MECOM: variants seen among roughly 807,000 people sequenced by gnomAD.
MECOM encodes MDS1 and EVI1 complex locus.
A neutral mutation model predicts 116.3 loss-of-function variants in MECOM; 13 were observed. The ratio of observed to expected loss-of-function variants is 0.11; its 90% CI spans 0.07 to 0.18. The LOEUF (loss-of-function observed/expected upper bound fraction) is 0.18, where lower values mean the gene tolerates loss of function less well. MECOM is among the 10% of genes least tolerant of loss of function. The pLI is 1.00. For missense variants in MECOM, 1,299 were observed against 1,509.0 expected (o/e 0.86, Z 2.31); for synonymous variants, 528 against 535.2 (o/e 0.99, Z 0.19).
chr3:169,479,870 A>G (rs747804834), intron 1 of MECOM, among the ~76,000 whole-genome samples: 17 of 152,204 alleles, frequency 1.1e-4, no homozygotes, highest in Non-Finnish European at 2.4e-4. Flanking sequence ...AGGCACCTTT[A>G]AAATCTCTTA....
intron 1 of MECOM, among the ~76,000 whole-genome samples, chr3:169,579,414 C>T (rs1036522090): frequency 2.0e-5 from 3 of 152,180 alleles, no homozygotes; most frequent in African/African-American, 7.2e-5. Flanking sequence ...CTCATCTCAT[C>T]TCTTTCCCAC....
chr3:169,458,809 G>C (rs1198407666), intron 1 of MECOM, among the ~76,000 whole-genome samples: 1 of 152,182 alleles, frequency 6.6e-6, no homozygotes, highest in African/African-American at 2.4e-5. Context: ...GAAATAAAGG[G>C]GCAGAGGCCA....
intron 2 of MECOM, among the ~76,000 whole-genome samples, chr3:169,155,868 A>G (rs1188061960): frequency 6.6e-6 from 1 of 152,170 alleles, no homozygotes; most frequent in Non-Finnish European, 1.5e-5. Flanking sequence ...GAGATGAAAC[A>G]ATAGATCAAG....
intron 2 of MECOM, among the ~76,000 whole-genome samples, chr3:169,282,886 T>C (rs1163169304): frequency 7.0e-6 from 1 of 143,554 alleles, no homozygotes; most frequent in Admixed American, 6.7e-5. Context: ...GAAACAGTTC[T>C]TAATTTTTTT....
intron 1 of MECOM, among the ~76,000 whole-genome samples, chr3:169,630,698 G>A (rs368042397): frequency 1.3e-5 from 2 of 152,156 alleles, no homozygotes; most frequent in South Asian, 2.1e-4. Flanking sequence ...CCTGGCTAGT[G>A]ACATGGAACT....
At chr3:169,415,418 A>G (rs1419862662) in intron 1 of MECOM, among the ~76,000 whole-genome samples, 1 of 152,212 alleles carries the variant, frequency 6.6e-6, no homozygotes, top group Non-Finnish European at 1.5e-5. Context: ...GGTACCAGCC[A>G]CTGCAAAAAC....
At chr3:169,647,554 C>CA (rs200174421) in intron 1 of MECOM, among the ~76,000 whole-genome samples, 50 of 150,368 alleles carry the variant, frequency 3.3e-4, no homozygotes, top group South Asian at 2.7e-3. Flanking sequence ...ACATCCACAC[C>CA]AAAAAAAAAT....
intron 1 of MECOM, among the ~76,000 whole-genome samples, chr3:169,390,421 T>C (rs1368597806): frequency 6.6e-6 from 1 of 152,190 alleles, no homozygotes; most frequent in African/African-American, 2.4e-5. Flanking sequence ...TATTCTCACA[T>C]TAAGTAGACT....
chr3:169,504,150 A>AGTGTGTGTGTGTGTGTGT lies in MECOM; in HGVS notation c.38-122644_38-122627dup, dbSNP rs3044764. Among the ~76,000 whole-genome samples the AGTGTGTGTGTGTGTGTGT allele has an allele frequency of 1.0e-3, 134 of 132,712 alleles. 1 individual carries two copies. Among genetic ancestry groups the AGTGTGTGTGTGTGTGTGT allele is most frequent in the African/African-American group, 1.8e-3 (65 of 36,954 alleles). 87.1% of individuals were successfully genotyped at this position (132,712 alleles called of 152,430 possible). A position where few individuals can be genotyped will look rare whatever the true frequency, so the allele number is the denominator to read the frequency against. On this transcript the variant is annotated intron_variant, in intron 1 of 16. Coordinates refer to ENST00000651503, the MANE Select transcript of MECOM (RefSeq NM_004991.4). Reference sequence around the variant, plus strand: ...CTCTCAAAAAAAAAAGAAAAAGAGAAGTGTGTGTGTGTGTGTGTGTGTGTG... The same window carrying AGTGTGTGTGTGTGTGTGT: ...CTCTCAAAAAAAAAAGAAAAAGAGAAGTGTGTGTGTGTGTGTGTGTGTGTGTGTGTGTGTGTGTGTGTG...
chr3:169,113,059 A>G (rs6444840), intron 8 of MECOM, among the ~76,000 whole-genome samples, 185 bp from the exon 9 acceptor site: 144,293 of 152,100 alleles, frequency 0.95, 68,537 homozygotes, highest in East Asian at 0.99. Context: ...GGTGCTTAAG[A>G]AGAAAAGTTC....
chr3:169,107,887 C>T lies in MECOM; in HGVS notation c.2604+39G>A, dbSNP rs569829610. On this transcript the variant is annotated intron_variant, in intron 10 of 16. Transcript: ENST00000651503. ...AATGTAAGCTGTTTTCTTTTTAATG[C>T]TACATCACTTTAGTCAAAAATATAA... is the stretch of plus-strand genomic sequence containing the variant. 11 of 1,578,964 alleles carry T rather than the reference C, an allele frequency of 7.0e-6. No homozygotes were observed. The South Asian group carries it at 1.1e-4, about 16-fold the overall frequency.
At chr3:169,372,089 A>C (rs1730234534) in intron 2 of MECOM, among the ~76,000 whole-genome samples, 1 of 152,090 alleles carries the variant, frequency 6.6e-6, no homozygotes, top group South Asian at 2.1e-4. Context: ...TGTTTCCACT[A>C]TTCCTTTCCA....
At chr3:169,399,453 C>T (rs968162990) in intron 1 of MECOM, among the ~76,000 whole-genome samples, 1 of 152,176 alleles carries the variant, frequency 6.6e-6, no homozygotes, top group African/African-American at 2.4e-5. Flanking sequence ...GTCAACTTTT[C>T]TTCTAGAAGA....
intron 2 of MECOM, among the ~76,000 whole-genome samples, chr3:169,286,492 G>T (rs1402050132): frequency 2.0e-5 from 3 of 152,106 alleles, no homozygotes; most frequent in Admixed American, 2.0e-4. Flanking sequence ...TGTACTAATG[G>T]TTGGTTTAAG....
chr3:169,613,199 A>G (rs1369579384), intron 1 of MECOM, among the ~76,000 whole-genome samples: 1 of 152,202 alleles, frequency 6.6e-6, no homozygotes, highest in East Asian at 1.9e-4. Flanking sequence ...GCATCTCCTT[A>G]GATAGTGTGC....
chr3:169,305,032 T>C (rs949704457), intron 2 of MECOM, among the ~76,000 whole-genome samples: 4 of 152,184 alleles, frequency 2.6e-5, no homozygotes, highest in Non-Finnish European at 4.4e-5. Flanking sequence ...TACACTACTG[T>C]GAAAGGCAAG....
At chr3:169,136,308 T>G (rs1353207834) in intron 3 of MECOM, among the ~76,000 whole-genome samples, 1 of 151,502 alleles carries the variant, frequency 6.6e-6, no homozygotes, top group Non-Finnish European at 1.5e-5. Flanking sequence ...GGAGAAATTT[T>G]TAAATTTTCA....
intron 2 of MECOM, among the ~76,000 whole-genome samples, chr3:169,304,345 C>T (rs1269203957): frequency 6.6e-6 from 1 of 152,162 alleles, no homozygotes; most frequent in African/African-American, 2.4e-5. Flanking sequence ...AATAATTCAG[C>T]CAAATCAATA....
At position 169,147,765 on chromosome 3, in the gene MECOM, TGA is replaced by T. The variant is rs1299725227; in HGVS notation, c.376-3935_376-3934del. The T allele has an allele frequency of 1.2e-3, 1,093 of 933,052 alleles. 1 individual carries two copies. The highest frequency in any genetic ancestry group is 3.2e-3 in the Admixed American group (46 of 14,588). 57.8% of individuals were successfully genotyped at this position (933,052 alleles called of 1,614,324 possible). ...GAGTGTGTGTGTGCATGTGTGTGTG[TGA>T]GAGAGAGAGAGATGGGGGATGGGAG... On this transcript the variant is annotated intron_variant, in intron 2 of 16. Transcript: ENST00000651503.
Sources: allele counts gnomAD v4.1 joint callset (sites outside exome capture counted in the v4.1 genomes callset), GRCh38; gene constraint gnomAD v4.1.1; transcripts MANE v1.5; gene names NCBI Gene and HGNC (gene_info 2026-07-23, HGNC 2026-07-21).